Variants in GRM7 observed in about 807,000 individuals in gnomAD.
The protein encoded by GRM7 is metabotropic glutamate receptor 7.
A neutral mutation model predicts 84.5 loss-of-function variants in GRM7; 35 were observed. The observed-to-expected ratio is 0.41, with a 90% confidence interval of 0.32 to 0.55. The LOEUF (loss-of-function observed/expected upper bound fraction) is 0.55. Ranked by LOEUF, GRM7 falls within the 20% of genes least tolerant of loss-of-function variation. The probability of loss-of-function intolerance (pLI) is 0.19; values close to 1 mark genes in which losing one functional copy is unlikely to be tolerated. For missense variants in GRM7, 1,003 were observed against 1,194.6 expected, an observed-to-expected ratio of 0.84 and a Z score of 2.36; for synonymous variants, 487 against 455.1, an observed-to-expected ratio of 1.07 and a Z score of -0.89.
chr3:7,419,332 A>C (rs933395557), intron 5 of GRM7, among the ~76,000 whole-genome samples: 2 of 152,140 alleles, frequency 1.3e-5, no homozygotes, highest in Non-Finnish European at 2.9e-5. Context: ...ATTTGGACAC[A>C]GAGTGTGTAT....
intron 1 of GRM7, among the ~76,000 whole-genome samples, chr3:6,958,110 C>T (rs1031723097): frequency 6.6e-6 from 1 of 152,056 alleles, no homozygotes. Context: ...TATATATACC[C>T]ACTAGCCATC....
rs575012838 is a variant in GRM7, at chr3:7,187,951, G to C, written c.736+41283G>C. On this transcript the variant is annotated intron_variant, in intron 2 of 9. Coordinates refer to ENST00000357716, the MANE Select transcript of GRM7 (RefSeq NM_000844.4). Reference sequence around the variant, plus strand: ...TGTCTCAATGCCTAGTACTGTAGCTGGGAGTTGATGTCCAAGGATATCATT... The same window carrying C: ...TGTCTCAATGCCTAGTACTGTAGCTCGGAGTTGATGTCCAAGGATATCATT... Among the ~76,000 whole-genome samples the C allele has an allele frequency of 2.0e-5, 3 of 152,256 alleles. No individual in the cohort carries two copies. In the South Asian group the frequency reaches 6.2e-4, roughly 32 times the overall value.
At chr3:7,152,347 G>A (rs568911010) in intron 2 of GRM7, among the ~76,000 whole-genome samples, 12 of 152,192 alleles carry the variant, frequency 7.9e-5, no homozygotes, top group Non-Finnish European at 1.2e-4. Context: ...CAGCTTTTTA[G>A]ATAATCTTTC....
At chr3:7,581,064 G>A (rs1004151510) in intron 8 of GRM7, among the ~76,000 whole-genome samples, 5 of 152,054 alleles carry the variant, frequency 3.3e-5, no homozygotes, top group Admixed American at 3.3e-4. Flanking sequence ...GTTTATTCTT[G>A]GGGAACATAA....
intron 9 of GRM7, among the ~76,000 whole-genome samples, chr3:7,725,872 A>T (rs1702107002): frequency 6.6e-6 from 1 of 152,176 alleles, no homozygotes; most frequent in African/African-American, 2.4e-5. Context: ...GTTATAAAAC[A>T]GCTAAATAGA....
At chr3:7,700,688 C>T (rs922224438) in intron 9 of GRM7, among the ~76,000 whole-genome samples, 1 of 152,142 alleles carries the variant, frequency 6.6e-6, no homozygotes, top group African/African-American at 2.4e-5. Flanking sequence ...ATGGGGATAA[C>T]AGCCACCAGG....
At chr3:7,220,088 G>C (rs1696749811) in intron 2 of GRM7, among the ~76,000 whole-genome samples, 1 of 152,042 alleles carries the variant, frequency 6.6e-6, no homozygotes, top group South Asian at 2.1e-4. Context: ...AATAAATAAA[G>C]GAAAGCTAGG....
At chr3:7,111,907 C>CA (rs1044820162) in intron 1 of GRM7, among the ~76,000 whole-genome samples, 5 of 151,850 alleles carry the variant, frequency 3.3e-5, no homozygotes, top group South Asian at 4.1e-4. Flanking sequence ...AGCACCCCCC[C>CA]ACCCTCAGAG....
rs150500362 is a variant in GRM7, at chr3:7,569,290, A to G, written c.1516-9132A>G. Reference sequence around the variant, plus strand: ...TTGTAAACACACCAATCAGTACCCTATGTCTAGCTCAGGGTTTGTGAATGC... The same window carrying G: ...TTGTAAACACACCAATCAGTACCCTGTGTCTAGCTCAGGGTTTGTGAATGC... On this transcript the variant is annotated intron_variant, in intron 7 of 9. Transcript: ENST00000357716. Among the ~76,000 whole-genome samples, 1,065 of 151,758 alleles carry G rather than the reference A, an allele frequency of 7.0e-3. 12 individuals are homozygous for G. The highest frequency in any genetic ancestry group is 6.7e-3 in the Admixed American group (103 of 15,268).
chr3:7,271,207 G>C lies in GRM7; in HGVS notation c.737-27477G>C, dbSNP rs143686277. Among the ~76,000 whole-genome samples, 1,104 of 152,280 alleles carry C rather than the reference G, an allele frequency of 7.2e-3. 8 individuals carry two copies. Among genetic ancestry groups the C allele is most frequent in the African/African-American group, 0.025 (1,038 of 41,550 alleles). On this transcript the variant is annotated intron_variant, in intron 2 of 9. Coordinates refer to ENST00000357716, the MANE Select transcript of GRM7 (RefSeq NM_000844.4). ...AACCCAACAGAAAGAGGAAAAAAAA[G>C]TTTTAAAATGCAGTTTGAAGTTAAG...
intron 2 of GRM7, among the ~76,000 whole-genome samples, chr3:7,287,841 C>T (rs1423921934): frequency 6.6e-6 from 1 of 151,958 alleles, no homozygotes; most frequent in Non-Finnish European, 1.5e-5. Flanking sequence ...TTAGCAGAGA[C>T]ACTAAAGGTA....
chr3:7,440,615 G>A (rs772487017), intron 5 of GRM7, among the ~76,000 whole-genome samples: 2 of 152,146 alleles, frequency 1.3e-5, no homozygotes, highest in African/African-American at 2.4e-5. Context: ...GGTGATAAAC[G>A]TAGTATCCGA....
chr3:7,094,225 A>G (rs79968175), intron 1 of GRM7, among the ~76,000 whole-genome samples: 6,305 of 151,550 alleles, frequency 0.042, 132 homozygotes, highest in Middle Eastern at 0.11. Context: ...AGCAAGCTGG[A>G]AAAAAACCCA....
intron 2 of GRM7, among the ~76,000 whole-genome samples, chr3:7,238,768 C>A (rs538667492): frequency 1.4e-5 from 2 of 147,384 alleles, no homozygotes; most frequent in South Asian, 4.2e-4. Context: ...CCTTTCCTTT[C>A]CTTCTTTTCT....
intron 1 of GRM7, among the ~76,000 whole-genome samples, chr3:6,913,244 T>C (rs968726863): frequency 1.3e-5 from 2 of 152,202 alleles, no homozygotes; most frequent in Non-Finnish European, 2.9e-5. Flanking sequence ...ATTATTTTCA[T>C]TGGCTTTATC....
intron 1 of GRM7, among the ~76,000 whole-genome samples, chr3:7,136,457 G>C (rs1297473273): frequency 6.6e-6 from 1 of 152,052 alleles, no homozygotes; most frequent in African/African-American, 2.4e-5. Flanking sequence ...AGAGTGAGCA[G>C]CTTCCTAAAT....
chr3:7,392,905 T>C (rs1695056621), intron 4 of GRM7, among the ~76,000 whole-genome samples: 2 of 152,166 alleles, frequency 1.3e-5, no homozygotes, highest in Admixed American at 6.5e-5. Flanking sequence ...CCTAGACATA[T>C]ACGGGGTAGC....
intron 2 of GRM7, among the ~76,000 whole-genome samples, chr3:7,177,637 TAGAA>T (rs946022641): frequency 6.7e-6 from 1 of 149,294 alleles, no homozygotes; most frequent in Non-Finnish European, 1.5e-5. Flanking sequence ...AAGAAGGAAA[TAGAA>T]AGAAGGGAAT....
chr3:7,329,506 C>G (rs1244591231), intron 4 of GRM7, among the ~76,000 whole-genome samples: 1 of 152,080 alleles, frequency 6.6e-6, no homozygotes, highest in Non-Finnish European at 1.5e-5. Flanking sequence ...CCTTGCCCTG[C>G]TTTGAGGAGT....
Sources: allele counts gnomAD v4.1 joint callset (sites outside exome capture counted in the v4.1 genomes callset), GRCh38; gene constraint gnomAD v4.1.1; transcripts MANE v1.5; gene names NCBI Gene and HGNC (gene_info 2026-07-23, HGNC 2026-07-21).